MAP3K20: variants seen among roughly 807,000 people sequenced by gnomAD.
MAP3K20 encodes HCCS-4.
Under a neutral mutation model 85.7 loss-of-function variants are expected in MAP3K20, and 40 were observed. The observed-to-expected ratio is 0.47, with a 90% CI of 0.36 to 0.61. The LOEUF (loss-of-function observed/expected upper bound fraction) is 0.61. Ranked by LOEUF, MAP3K20 falls within the 20% of genes least tolerant of loss-of-function variation. MAP3K20 has a pLI of 0.00. For synonymous variants in MAP3K20, 325 were observed against 327.7 expected, an observed-to-expected ratio of 0.99 and a Z score of 0.09; for missense variants, 817 against 961.7, an observed-to-expected ratio of 0.85 and a Z score of 1.99.
At chr2:173,256,259 T>G (rs1297654455) in intron 16 of MAP3K20, among the ~76,000 whole-genome samples, 1 of 152,208 alleles carries the variant, frequency 6.6e-6, no homozygotes, top group African/African-American at 2.4e-5. Context: ...CCAGGTCCAC[T>G]CTTATTTATG....
At chr2:173,258,100 A>AG (rs1407612012) in intron 16 of MAP3K20, among the ~76,000 whole-genome samples, 13 of 152,322 alleles carry the variant, frequency 8.5e-5, no homozygotes, top group African/African-American at 2.9e-4. Flanking sequence ...CTGTGCCTTT[A>AG]GGGGAACTGT....
chr2:173,085,639 G>A (rs1023945879), intron 1 of MAP3K20, among the ~76,000 whole-genome samples: 1 of 152,020 alleles, frequency 6.6e-6, no homozygotes, highest in Non-Finnish European at 1.5e-5. Context: ...TGACATTTCT[G>A]CTCTAACTTA....
At chr2:173,141,545 T>A (rs528412099) in intron 2 of MAP3K20, among the ~76,000 whole-genome samples, 72 of 152,090 alleles carry the variant, frequency 4.7e-4, no homozygotes, top group Middle Eastern at 3.4e-3. Flanking sequence ...ACAAAAAAAA[T>A]TTTAAAAATT....
At chr2:173,105,491 A>G (rs1401226910) in intron 2 of MAP3K20, among the ~76,000 whole-genome samples, 1 of 152,242 alleles carries the variant, frequency 6.6e-6, no homozygotes, top group Non-Finnish European at 1.5e-5. Context: ...AATACCATTT[A>G]CAATGCAATA....
chr2:173,187,593 G>C lies in MAP3K20; in HGVS notation c.385G>C (p.Val129Leu). ...TTTACATATGGAGGCTCCTGTCAAG[G>C]TGATTCACAGAGACCTCAAGTCAAG... is the stretch of plus-strand genomic sequence containing the variant. Reference protein sequence around the residue: ...HYLHMEAPVKVIHRDLKSRNV... With the variant: ...HYLHMEAPVKLIHRDLKSRNV... Residue 129 changes from valine (V) to leucine (L), a missense_variant, in exon 5 of 20, where the codon GTG (valine) becomes CTG (leucine). Around this residue, in one of 4 missense-constraint regions of MAP3K20, gnomAD observed 200 missense variants for 302.7 expected, o/e 0.66. Transcript: ENST00000375213. 1 of 1,608,758 alleles carries C rather than the reference G, an allele frequency of 6.2e-7. No individual in the cohort carries two copies. The highest frequency in any genetic ancestry group is 1.1e-5 in the South Asian group (1 of 89,722).
chr2:173,255,300 GC>G, intron 16 of MAP3K20, among the ~76,000 whole-genome samples: 1 of 152,136 alleles, frequency 6.6e-6, no homozygotes, highest in Admixed American at 6.5e-5. Context: ...CATTTATGGA[GC>G]TCAACAAAAT....
chr2:173,155,145 G>A (rs1689427649), intron 2 of MAP3K20, among the ~76,000 whole-genome samples: 1 of 152,084 alleles, frequency 6.6e-6, no homozygotes, highest in South Asian at 2.1e-4. Flanking sequence ...GGGAAGGGGA[G>A]GGGTACATTT....
chr2:173,177,596 T>C (rs1690200163), intron 3 of MAP3K20, among the ~76,000 whole-genome samples: 1 of 151,648 alleles, frequency 6.6e-6, no homozygotes, highest in Non-Finnish European at 1.5e-5. Context: ...GCCCGGCTAA[T>C]TTTTTGTATT....
chr2:173,211,093 T>C (rs1683879539), intron 10 of MAP3K20: 1 of 152,200 alleles, frequency 6.6e-6, no homozygotes, highest in African/African-American at 2.4e-5. Flanking sequence ...CATCAGATCA[T>C]TCTCCTTTAA....
intron 16 of MAP3K20, among the ~76,000 whole-genome samples, chr2:173,256,518 TAGATAGATAGATAGAC>T (rs1345936632): frequency 1.6e-3 from 98 of 61,676 alleles, no homozygotes; most frequent in African/African-American, 4.3e-3. Flanking sequence ...GATAGATAGA[TAGATAGATAGATAGAC>T]AGACAGACAG....
intron 2 of MAP3K20, among the ~76,000 whole-genome samples, chr2:173,167,321 A>T (rs980082396): frequency 6.6e-6 from 1 of 152,054 alleles, no homozygotes; most frequent in Non-Finnish European, 1.5e-5. Context: ...CACAGGTTTT[A>T]ATAATTTGGT....
chr2:173,258,589 G>T, intron 16 of MAP3K20, 110 bp from the exon 17 acceptor site: 2 of 567,678 alleles, frequency 3.5e-6, no homozygotes, highest in Admixed American at 3.4e-5. Flanking sequence ...AAAAAAAAAA[G>T]CCACTCCAAT....
At chr2:173,147,672 C>T (rs778684752) in intron 2 of MAP3K20, among the ~76,000 whole-genome samples, 19 of 152,112 alleles carry the variant, frequency 1.2e-4, no homozygotes, top group East Asian at 3.9e-4. Context: ...CTGCAACCTC[C>T]GCCTCCCGGG....
At chr2:173,227,945 C>G in intron 11 of MAP3K20, among the ~76,000 whole-genome samples, 1 of 152,144 alleles carries the variant, frequency 6.6e-6, no homozygotes. Flanking sequence ...TGTGAAGAGA[C>G]AAAATTGTCA....
At chr2:173,127,416 T>G (rs1688474426) in intron 2 of MAP3K20, among the ~76,000 whole-genome samples, 1 of 152,242 alleles carries the variant, frequency 6.6e-6, no homozygotes, top group African/African-American at 2.4e-5. Flanking sequence ...TTTTGAAGAT[T>G]CTGTTAAAAA....
chr2:173,243,337 C>G (rs1559296539), intron 16 of MAP3K20, among the ~76,000 whole-genome samples: 1 of 152,106 alleles, frequency 6.6e-6, no homozygotes, highest in South Asian at 2.1e-4. Context: ...CTAAGAATGA[C>G]TAGGTAAGGA....
chr2:173,241,801 CTT>C lies in MAP3K20; in HGVS notation c.1359+2307_1359+2308del, dbSNP rs369113955. Among the ~76,000 whole-genome samples the C allele has an allele frequency of 9.7e-4, 148 of 152,234 alleles. 1 individual carries two copies. Among genetic ancestry groups the C allele is most frequent in the African/African-American group, 3.3e-3 (139 of 41,554 alleles). ...TTACCTCCCTTGTTTCGGCCACAGA[CTT>C]TGGTTGAGTGAGAGCTGCTCTGGAT... On this transcript the variant is annotated intron_variant, in intron 16 of 19. Coordinates refer to ENST00000375213, the MANE Select transcript of MAP3K20 (RefSeq NM_016653.3).
chr2:173,199,671 TTTTTTTCATTTTGTTTTGTTTTTG>T (rs1690974421), intron 8 of MAP3K20, among the ~76,000 whole-genome samples: 1 of 149,822 alleles, frequency 6.7e-6, no homozygotes, highest in African/African-American at 2.5e-5. Flanking sequence ...TGTTTTTTTT[TTTTTTTCATTTTGTTTTGTTTTTG>T]TTTTTTTAGC....
At chr2:173,084,826 C>T (rs988086470) in intron 1 of MAP3K20, among the ~76,000 whole-genome samples, 1 of 152,158 alleles carries the variant, frequency 6.6e-6, no homozygotes, top group African/African-American at 2.4e-5. Flanking sequence ...ACTGTGCTCA[C>T]GTATGCACTT....
Sources: allele counts gnomAD v4.1 joint callset (sites outside exome capture counted in the v4.1 genomes callset), GRCh38; gene constraint gnomAD v4.1.1; regional missense constraint gnomAD v4.1.1; transcripts MANE v1.5; gene names NCBI Gene and HGNC (gene_info 2026-07-23, HGNC 2026-07-21).